Variants in TTN observed in about 807,000 individuals in gnomAD.
TTN encodes the protein connectin.
TTN carries 1,525 observed loss-of-function variants against 3,223.0 expected under a neutral mutation model. The observed-to-expected ratio is 0.47, with a 90% CI of 0.45 to 0.49. TTN has a LOEUF of 0.49. TTN is among the 20% of genes least tolerant of loss of function. The pLI is 0.00. For missense variants in TTN, 40,786 were observed against 43,424.0 expected, an observed-to-expected ratio of 0.94 and a Z score of 5.40; for synonymous variants, 14,094 against 15,161.0, an observed-to-expected ratio of 0.93 and a Z score of 5.17.
At chr2:178,687,269 C>A (rs2071172285) in intron 127 of TTN, among the ~76,000 whole-genome samples, 2 of 152,168 alleles carry the variant, frequency 1.3e-5, no homozygotes, top group Non-Finnish European at 2.9e-5. Context: ...ACCTTAGGAA[C>A]TTTCTTAGGA....
chr2:178,580,529 G>A lies in TTN; in HGVS notation c.66850C>T (p.Pro22284Ser). 2 of 1,612,756 alleles carry A rather than the reference G, an allele frequency of 1.2e-6. No homozygotes were observed. Among genetic ancestry groups the A allele is most frequent in the South Asian group, 2.2e-5 (2 of 91,036 alleles). Residue 22284 changes from proline to serine, a missense_variant, in exon 317 of 363, where the codon CCA (proline) becomes TCA (serine). By Grantham distance (74) the Pro-to-Ser change is moderately conservative (BLOSUM62 -1). Coordinates refer to ENST00000589042, the MANE Select transcript of TTN (RefSeq NM_001267550.2). ...RAGVTMRLYV[P>S]VKGRPPPKIT... is the part of the protein sequence containing the mutation. ...TTTGGAGGTGGGCGTCCTTTTACTG[G>A]TACATATAGTCTCATAGTAACTCCA...
At position 178,735,868 on chromosome 2, in the gene TTN, G is replaced by T; in HGVS notation, c.14578C>A (p.Gln4860Lys). The T allele has an allele frequency of 6.2e-7, 1 of 1,613,878 alleles. No individual in the cohort carries two copies. The highest frequency in any genetic ancestry group is 8.5e-7 in the Non-Finnish European group (1 of 1,179,836). ...TTACAAGAATAAACTCCTCTATCTT[G>T]AATGGTAAGGTTTGAGAGTTCTAAA... ...HILELSNLTI[Q>K]DRGVYSCKAS... is the part of the protein sequence containing the mutation. The change falls in exon 50 of 363, where the codon CAA (glutamine) becomes AAA (lysine). Residue 4860 changes from glutamine to lysine, a missense_variant. Physicochemically the swap from Gln to Lys is moderately conservative, Grantham distance 53. Coordinates refer to ENST00000589042, the MANE Select transcript of TTN (RefSeq NM_001267550.2).
intron 157 of TTN, among the ~76,000 whole-genome samples, chr2:178,669,883 A>T (rs962048454): frequency 1.3e-5 from 2 of 151,988 alleles, no homozygotes; most frequent in Non-Finnish European, 1.5e-5. Context: ...TGCTCTTTGG[A>T]GATAGTATCA....
Position 178,544,018 on chromosome 2 carries a change from T to C in TTN, c.96126A>G (p.Pro32042=), listed in dbSNP as rs1333116642. 2 of 1,613,374 alleles carry C rather than the reference T, an allele frequency of 1.2e-6. No homozygotes were observed. Among genetic ancestry groups the C allele is most frequent in the South Asian group, 2.2e-5 (2 of 91,064 alleles). The change falls in exon 346 of 363, where the codon CCA becomes CCG. Residue 32042 remains proline, a synonymous_variant. Coordinates refer to ENST00000589042, the MANE Select transcript of TTN (RefSeq NM_001267550.2). ...GCTTGCTCCACGTTATGACAGGAGGTGGTCTTCCAGATACAGACACCATCA... is the reference window on the plus strand; with the variant it reads ...GCTTGCTCCACGTTATGACAGGAGGCGGTCTTCCAGATACAGACACCATCA... ...LRLMVSVSGR[P]PPVITWSKQG... is the part of the protein sequence containing the mutation.
At chr2:178,580,849 T>C (rs1040092551) in intron 316 of TTN, 1 of 497,390 alleles carries the variant, frequency 2.0e-6, no homozygotes, top group Admixed American at 4.0e-5. Context: ...GTACCTCCTC[T>C]TTCATGAGCC....
In TTN at chr2:178,567,081, G is replaced by A. The variant is rs1706183837; in HGVS notation, c.79051C>T (p.Leu26351Phe). Reference sequence around the variant, plus strand: ...AAAACATATTCATTACCTTCTAAGAGTTTGGTAACTTTCAGAGAATTGGTC... The same window carrying A: ...AAAACATATTCATTACCTTCTAAGAATTTGGTAACTTTCAGAGAATTGGTC... ...VVTNSLKVTK[L>F]LEGNEYVFRI... is the part of the protein sequence containing the mutation. Residue 26351 changes from leucine to phenylalanine, a missense_variant, in exon 326 of 363, where the codon CTC becomes TTC. Coordinates refer to ENST00000589042, the MANE Select transcript of TTN (RefSeq NM_001267550.2). 1 of 1,613,510 alleles carries A rather than the reference G, an allele frequency of 6.2e-7. No homozygotes were observed.
chr2:178,797,692 A>G (rs2093843575), intron 6 of TTN, among the ~76,000 whole-genome samples: 1 of 152,028 alleles, frequency 6.6e-6, no homozygotes, highest in Non-Finnish European at 1.5e-5. Flanking sequence ...TGATACTTTT[A>G]TGGCAGAGGC....
intron 125 of TTN, 23 bp downstream of exon 125, chr2:178,689,028 GTC>G: frequency 4.8e-5 from 20 of 415,816 alleles, no homozygotes; most frequent in Non-Finnish European, 5.8e-5. Context: ...TTTTTTTTTT[GTC>G]AGAGGATTGA....
chr2:178,579,275 C>G lies in TTN; in HGVS notation c.67755G>C (p.Lys22585Asn). ...CAGTTGCTAGAGGATCTTCCCCTTT[C>G]TTCCAGGAGACTGATGGAGCTGGCT... ...KGKPAPSVSWKKGEDPLATDT... is the reference protein window; with the variant it reads ...KGKPAPSVSWNKGEDPLATDT... Residue 22585 changes from lysine (K) to asparagine (N), a missense_variant, in exon 320 of 363, where the codon AAG becomes AAC. Lys to Asn is a moderately conservative substitution (Grantham distance 94). Coordinates refer to ENST00000589042, the MANE Select transcript of TTN (RefSeq NM_001267550.2). The G allele has an allele frequency of 6.2e-7, 1 of 1,613,308 alleles. No homozygotes were observed. The highest frequency in any genetic ancestry group is 8.5e-7 in the Non-Finnish European group (1 of 1,179,536).
At chr2:178,721,312 TA>T (rs2078322658) in intron 78 of TTN, 110 bp from the exon 79 acceptor site, 1 of 952,570 alleles carries the variant, frequency 1.0e-6, no homozygotes, top group Non-Finnish European at 1.4e-6. Flanking sequence ...GGTTTGTTAT[TA>T]AGAATATACT....
rs1383068011 is a variant in TTN, at chr2:178,645,909, G to A, written c.40408+11C>T. 6 of 1,515,678 alleles carry A rather than the reference G, an allele frequency of 4.0e-6. No individual in the cohort carries two copies. Among genetic ancestry groups the A allele is most frequent in the East Asian group, 2.5e-5 (1 of 39,594 alleles). 93.9% of individuals were successfully genotyped at this position (1,515,678 alleles called of 1,614,324 possible). A position where few individuals can be genotyped will look rare whatever the true frequency, so the allele number is the denominator to read the frequency against. ...GCAGGCTAATAAAACTTTGGAAGTG[G>A]CATTTTTTACCTTTAAGTTGGAATA... On this transcript the variant is annotated intron_variant, in intron 217 of 362. Transcript: ENST00000589042.
chr2:178,737,106 TAG>T (rs915374039), intron 49 of TTN, among the ~76,000 whole-genome samples: 1 of 145,872 alleles, frequency 6.9e-6, no homozygotes, highest in Non-Finnish European at 1.5e-5. Context: ...GAAAGAAAGA[TAG>T]AGAGGAGGGA....
rs779787316 is a variant in TTN, at chr2:178,723,856, C to T, written c.21403G>A (p.Glu7135Lys). ...CTTACAAGTTTGACTGTCTACTGACCTTGTACAGTTAGCACTGCACGACAT... is the reference window on the plus strand; with the variant it reads ...CTTACAAGTTTGACTGTCTACTGACTTTGTACAGTTAGCACTGCACGACAT... ...DECRAVLTVQ[E>K]PPSFVKEPEP... Residue 7135 changes from glutamate (E) to lysine (K), a missense_variant and splice_region_variant, in exon 73 of 363, where the codon GAA becomes AAA. Transcript: ENST00000589042. 18 of 1,604,250 alleles carry T rather than the reference C, an allele frequency of 1.1e-5. No individual in the cohort carries two copies. The highest frequency in any genetic ancestry group is 1.4e-5 in the Non-Finnish European group (16 of 1,173,156).
rs767156649 is a variant in TTN, at chr2:178,794,467, T to C, written c.1330A>G (p.Ser444Gly). Residue 444 changes from serine to glycine, a missense_variant, in exon 8 of 363, where the codon AGC (serine) becomes GGC (glycine). By Grantham distance (56) the Ser-to-Gly change is moderately conservative. Transcript: ENST00000589042. ...CTCTGAGCAGTCTGCTCTACAGCGC[T>C]GATCACTGGTTCTCTCACTCTGGCC... is the stretch of plus-strand genomic sequence containing the variant. ...DMARVREPVI[S>G]AVEQTAQRTT... The C allele has an allele frequency of 7.2e-5, 116 of 1,614,090 alleles. No homozygotes were observed. Among genetic ancestry groups the C allele is most frequent in the Non-Finnish European group, 9.7e-5 (114 of 1,180,020 alleles).
At chr2:178,795,631 G>C (rs1574936629) in intron 6 of TTN, among the ~76,000 whole-genome samples, 1 of 152,050 alleles carries the variant, frequency 6.6e-6, no homozygotes, top group African/African-American at 2.4e-5. Context: ...TTCCAATTCT[G>C]GGGGGGTTAG....
rs1334468768 is a variant in TTN at position 178,799,475 on chromosome 2, T to C, written c.914+12A>G. Reference sequence around the variant, plus strand: ...AATGTGCAATAATCTGCTCTCTCTATGGCAGCTTTACCTGACCGGAGATGG... The same window carrying C: ...AATGTGCAATAATCTGCTCTCTCTACGGCAGCTTTACCTGACCGGAGATGG... On this transcript the variant is annotated intron_variant, in intron 6 of 362. Transcript: ENST00000589042. The C allele has an allele frequency of 1.9e-6, 3 of 1,614,000 alleles. No homozygotes were observed. The highest frequency in any genetic ancestry group is 2.5e-6 in the Non-Finnish European group (3 of 1,180,020).
chr2:178,782,660 ACT>A, intron 18 of TTN, 58 bp from the exon 19 acceptor site: 2 of 1,607,600 alleles, frequency 1.2e-6, no homozygotes, highest in South Asian at 2.2e-5. Flanking sequence ...CCTGCTTAGC[ACT>A]GACAGTTAAA....
rs776168879 is a variant in TTN at position 178,543,677 on chromosome 2, G to T, written c.96311-15C>A. 1.3e-6 allele frequency: 2 copies of T among 1,558,284 alleles called. No individual in the cohort carries two copies. Among genetic ancestry groups the T allele is most frequent in the South Asian group, 1.2e-5 (1 of 84,236 alleles). On this transcript the variant is annotated splice_polypyrimidine_tract_variant and intron_variant, in intron 346 of 362. Coordinates refer to ENST00000589042, the MANE Select transcript of TTN (RefSeq NM_001267550.2). ...ACCAGGAGTATCTGAAAAACAGAATGAAAGATTCATATTTCCTATTTGCCT... is the reference window on the plus strand; with the variant it reads ...ACCAGGAGTATCTGAAAAACAGAATTAAAGATTCATATTTCCTATTTGCCT...
At position 178,629,381 on chromosome 2, in the gene TTN, T is replaced by C. The variant is rs780249806; in HGVS notation, c.44344A>G (p.Thr14782Ala). ...TCGTAGGAGAGCTCGCAGTCGAAGGTGGCTGTTTCCCCTGCAGTCACGGTG... is the reference window on the plus strand; with the variant it reads ...TCGTAGGAGAGCTCGCAGTCGAAGGCGGCTGTTTCCCCTGCAGTCACGGTG... Reference protein sequence around the residue: ...DVTVTAGETATFDCELSYEDI... With the variant: ...DVTVTAGETAAFDCELSYEDI... Residue 14782 changes from threonine to alanine, a missense_variant, in exon 240 of 363, where the codon ACC (threonine) becomes GCC (alanine). Coordinates refer to ENST00000589042, the MANE Select transcript of TTN (RefSeq NM_001267550.2). 1 of 1,613,038 alleles carries C rather than the reference T, an allele frequency of 6.2e-7. No homozygotes were observed. Among genetic ancestry groups the C allele is most frequent in the East Asian group, 2.2e-5 (1 of 44,670 alleles).
Sources: gnomAD v4.1 joint callset for allele counts (sites outside exome capture counted in the v4.1 genomes callset) on GRCh38, gnomAD v4.1.1 for gene constraint, MANE v1.5 for transcripts, NCBI Gene and HGNC (gene_info 2026-07-23, HGNC 2026-07-21) for gene names.